Variants in TMEM45A observed in about 807,000 individuals in gnomAD.
TMEM45A encodes DNA polymerase-transactivated protein 4.
In TMEM45A, 25 loss-of-function variants were observed where a neutral mutation model predicts 32.0. The ratio of observed to expected loss-of-function variants is 0.78; its 90% CI spans 0.57 to 1.09. The LOEUF is 1.09. Among genes scored for constraint, TMEM45A ranks in the 50% least tolerant of loss-of-function variants. The probability of loss-of-function intolerance (pLI) is 0.00; values close to 1 mark genes in which losing one functional copy is unlikely to be tolerated. For missense variants in TMEM45A, 302 were observed against 325.0 expected (o/e 0.93, Z 0.54); for synonymous variants, 122 against 114.8 (o/e 1.06, Z -0.40).
chr3:100,554,907 C>A (rs1204543664), intron 1 of TMEM45A, among the ~76,000 whole-genome samples: 1 of 152,216 alleles, frequency 6.6e-6, no homozygotes, highest in Non-Finnish European at 1.5e-5. Context: ...AAAGGGGTAA[C>A]AGTGCTTCAT....
intron 1 of TMEM45A, among the ~76,000 whole-genome samples, chr3:100,509,779 A>G (rs1333317237): frequency 6.6e-6 from 1 of 152,182 alleles, no homozygotes; most frequent in African/African-American, 2.4e-5. Flanking sequence ...CATGAGCTGA[A>G]GCAGGCTGAG....
chr3:100,495,059 A>C (rs1365796607), intron 1 of TMEM45A, among the ~76,000 whole-genome samples: 1 of 152,194 alleles, frequency 6.6e-6, no homozygotes, highest in Non-Finnish European at 1.5e-5. Flanking sequence ...CCCAGCCTGC[A>C]CTGTTGCACA....
At chr3:100,516,488 A>G (rs575644434) in intron 1 of TMEM45A, among the ~76,000 whole-genome samples, 37 of 152,346 alleles carry the variant, frequency 2.4e-4, no homozygotes, top group African/African-American at 8.9e-4. Context: ...TTAGCTTACC[A>G]TTGTGAAACC....
intron 1 of TMEM45A, among the ~76,000 whole-genome samples, chr3:100,535,466 A>G (rs1705725181): frequency 6.6e-6 from 1 of 152,052 alleles, no homozygotes; most frequent in Non-Finnish European, 1.5e-5. Context: ...AAAATTGCAC[A>G]ATGTTTTGAT....
intron 1 of TMEM45A, among the ~76,000 whole-genome samples, chr3:100,533,915 A>C (rs1251091460): frequency 6.6e-6 from 1 of 152,144 alleles, no homozygotes; most frequent in Admixed American, 6.5e-5. Flanking sequence ...GAGTAGTCTG[A>C]TTCTAGAATC....
chr3:100,531,146 A>C (rs1705638980), intron 1 of TMEM45A, among the ~76,000 whole-genome samples: 1 of 152,136 alleles, frequency 6.6e-6, no homozygotes, highest in African/African-American at 2.4e-5. Flanking sequence ...TCTTGCATTT[A>C]TGCATTGAAA....
chr3:100,513,242 C>A (rs577622442), intron 1 of TMEM45A, among the ~76,000 whole-genome samples: 1 of 151,898 alleles, frequency 6.6e-6, no homozygotes, highest in East Asian at 1.9e-4. Flanking sequence ...TACTGGCAAA[C>A]CGAATCCAGC....
chr3:100,552,932 A>G (rs1444900794), intron 1 of TMEM45A, among the ~76,000 whole-genome samples: 1 of 152,244 alleles, frequency 6.6e-6, no homozygotes, highest in Non-Finnish European at 1.5e-5. Context: ...AGACAACAGC[A>G]AGAGAAGTGT....
intron 1 of TMEM45A, among the ~76,000 whole-genome samples, chr3:100,543,599 G>A (rs558813400): frequency 6.6e-6 from 1 of 152,166 alleles, no homozygotes; most frequent in African/African-American, 2.4e-5. Flanking sequence ...AGTGAATCAA[G>A]GATCTTTTCA....
intron 1 of TMEM45A, among the ~76,000 whole-genome samples, chr3:100,552,728 C>T (rs1706134219): frequency 6.6e-6 from 1 of 152,134 alleles, no homozygotes; most frequent in Non-Finnish European, 1.5e-5. Flanking sequence ...AGATGTTTTG[C>T]AAATATATGA....
At chr3:100,555,989 T>C (rs1257981260) in intron 2 of TMEM45A, among the ~76,000 whole-genome samples, 7 of 152,188 alleles carry the variant, frequency 4.6e-5, no homozygotes, top group Non-Finnish European at 8.8e-5. Context: ...CTTTCTTTTT[T>C]CCTTTTTTCT....
intron 1 of TMEM45A, among the ~76,000 whole-genome samples, chr3:100,517,028 G>A (rs1708273313): frequency 6.6e-6 from 1 of 152,130 alleles, no homozygotes; most frequent in African/African-American, 2.4e-5. Context: ...GCCTGGTTAA[G>A]CCTTTGAATT....
chr3:100,538,280 T>G (rs1705782421), intron 1 of TMEM45A, among the ~76,000 whole-genome samples: 1 of 152,196 alleles, frequency 6.6e-6, no homozygotes, highest in African/African-American at 2.4e-5. Flanking sequence ...AAGTTTAAAT[T>G]TCTAAAACTG....
At chr3:100,499,065 TAGA>T (rs1364451559) in intron 1 of TMEM45A, among the ~76,000 whole-genome samples, 1 of 152,216 alleles carries the variant, frequency 6.6e-6, no homozygotes, top group African/African-American at 2.4e-5. Flanking sequence ...TCGTGTGTTG[TAGA>T]AGTTCTTTAC....
At chr3:100,502,029 C>G (rs1239762917) in intron 1 of TMEM45A, among the ~76,000 whole-genome samples, 1 of 152,086 alleles carries the variant, frequency 6.6e-6, no homozygotes, top group African/African-American at 2.4e-5. Flanking sequence ...AAACAAGACA[C>G]GTTAGTTCCT....
intron 4 of TMEM45A, among the ~76,000 whole-genome samples, chr3:100,562,690 C>T (rs550711416): frequency 1.3e-5 from 2 of 152,322 alleles, no homozygotes; most frequent in African/African-American, 4.8e-5. Flanking sequence ...ACCACACTAA[C>T]TATATGAATC....
chr3:100,503,524 C>T (rs939802976), intron 1 of TMEM45A, among the ~76,000 whole-genome samples: 4 of 152,202 alleles, frequency 2.6e-5, no homozygotes, highest in African/African-American at 9.7e-5. Flanking sequence ...AATTAAGCCT[C>T]ATTTTCCTCA....
intron 1 of TMEM45A, among the ~76,000 whole-genome samples, chr3:100,520,687 C>T (rs1705421666): frequency 6.6e-6 from 1 of 152,168 alleles, no homozygotes; most frequent in African/African-American, 2.4e-5. Context: ...CTTTTCCCTG[C>T]TTTCTTGGAG....
chr3:100,567,719 T>A (rs1298543683), intron 4 of TMEM45A, among the ~76,000 whole-genome samples: 1 of 152,168 alleles, frequency 6.6e-6, no homozygotes, highest in Non-Finnish European at 1.5e-5. Context: ...TTAAACCTCC[T>A]TGATTAAATT....
Sources: gnomAD v4.1 joint callset for allele counts (sites outside exome capture counted in the v4.1 genomes callset) on GRCh38, gnomAD v4.1.1 for gene constraint, MANE v1.5 for transcripts, NCBI Gene and HGNC (gene_info 2026-07-23, HGNC 2026-07-21) for gene names.